The following BEST1 variants were observed in gnomAD, a reference collection of about 807,000 sequenced individuals.
BEST1 encodes the protein bestrophin-1.
In BEST1, 58 loss-of-function variants were observed where a neutral mutation model predicts 63.3. The ratio of observed to expected loss-of-function variants is 0.92; its 90% confidence interval spans 0.74 to 1.14. The LOEUF is 1.14. BEST1 is among the 50% of genes most tolerant of loss of function. The pLI is 0.00. For missense variants in BEST1, 671 were observed against 740.1 expected (o/e 0.91, Z 1.08); for synonymous variants, 283 against 291.6 (o/e 0.97, Z 0.30).
At chr11:61,959,692 C>A in intron 8 of BEST1, 114 bp downstream of exon 8, 1 of 1,327,526 alleles carries the variant, frequency 7.5e-7, no homozygotes, top group Non-Finnish European at 1.1e-6. Context: ...CCTTCCCCTC[C>A]TCCCTCCTGC....
intron 4 of BEST1, 114 bp from the exon 5 acceptor site, chr11:61,956,730 T>G: frequency 2.2e-6 from 3 of 1,343,648 alleles, no homozygotes; most frequent in Admixed American, 1.7e-5. Flanking sequence ...AATTTTTTTG[T>G]TGTTGAAAGA....
At chr11:61,963,850 T>C (rs1942325457) in intron 10 of BEST1, 1 of 1,240,588 alleles carries the variant, frequency 8.1e-7, no homozygotes, top group African/African-American at 1.5e-5. Flanking sequence ...CCAAAAAAAA[T>C]ACAAATCAGC....
intron 3 of BEST1, 82 bp from the exon 4 acceptor site, chr11:61,955,636 C>T: frequency 7.1e-7 from 1 of 1,415,800 alleles, no homozygotes; most frequent in African/African-American, 1.4e-5. Context: ...GCTGGAGGAG[C>T]CGAGGCATCG....
rs777225770 is a variant in BEST1 at position 61,955,143 on chromosome 11, G to A, written c.189G>A (p.Glu63=). The A allele has an allele frequency of 6.2e-7, 1 of 1,613,990 alleles. No homozygotes were observed. Among genetic ancestry groups the A allele is most frequent in the Non-Finnish European group, 8.5e-7 (1 of 1,179,812 alleles). Residue 63 remains glutamate (E), a synonymous_variant, in exon 3 of 11, where the codon GAG becomes GAA. Coordinates refer to ENST00000378043, the MANE Select transcript of BEST1 (RefSeq NM_004183.4). The part of the protein sequence containing the change: ...ALTEEQQLMF[E]KLTLYCDSYI... ...CGGAAGAACAACAGCTGATGTTTGA[G>A]AAACTGACTCTGTATTGCGACAGCT... is the stretch of plus-strand genomic sequence containing the variant.
chr11:61,959,555 T>C lies in BEST1; in HGVS notation c.925T>C (p.Trp309Arg). The change falls in exon 8 of 11, where the codon TGG becomes CGG. Residue 309 changes from tryptophan to arginine, a missense_variant. By Grantham distance (101) the Trp-to-Arg change is moderately radical (BLOSUM62 -3). Transcript: ENST00000378043. Reference protein sequence around the residue: ...GEDDDDFETNWIVDRNLQVSL... With the variant: ...GEDDDDFETNRIVDRNLQVSL... ...GGATGATGATGATTTTGAGACCAAC[T>C]GGATTGTCGACAGGAATTTGCAGGT... 6.2e-7 allele frequency: 1 copy of C among 1,614,194 alleles called. No homozygotes were observed. The highest frequency in any genetic ancestry group is 8.5e-7 in the Non-Finnish European group (1 of 1,180,044).
rs1591295744 is a variant in BEST1 at position 61,958,301 on chromosome 11, G to A, written c.867+3G>A. On this transcript the variant is annotated splice_donor_region_variant and intron_variant, in intron 7 of 10. Transcript: ENST00000378043. ...TCTTCTATGTTGGCTGGCTGAAGGT[G>A]GGCCTCTCCAGGGCCCTGCTGGGCT... 2 of 1,614,206 alleles carry A rather than the reference G, an allele frequency of 1.2e-6. No individual in the cohort carries two copies. The highest frequency in any genetic ancestry group is 2.2e-5 in the East Asian group (1 of 44,884).
At chr11:61,958,736 C>A in intron 7 of BEST1, 1 of 381,714 alleles carries the variant, frequency 2.6e-6, no homozygotes, top group Non-Finnish European at 5.0e-6. Flanking sequence ...AACAGATGTT[C>A]TGAATCACAC....
chr11:61,949,837 G>A (rs1940484321), upstream of BEST1: 1 of 152,308 alleles, frequency 6.6e-6, no homozygotes, highest in Non-Finnish European at 1.5e-5. Flanking sequence ...GGGCACTGAG[G>A]CTGAGAGAGG....
chr11:61,964,262 AATAG>A lies in BEST1; in HGVS notation c.*144_*147del. On this transcript the variant is annotated 3_prime_UTR_variant, in exon 11 of 11. Coordinates refer to ENST00000378043, the MANE Select transcript of BEST1 (RefSeq NM_004183.4). ...ACAGCCTGAATCAAATGGTTAGCTT[AATAG>A]ATAAAAATCCCAGACTACTTCAGCC... The A allele has an allele frequency of 1.3e-6, 2 of 1,493,044 alleles. No individual in the cohort carries two copies. Among genetic ancestry groups the A allele is most frequent in the Non-Finnish European group, 1.8e-6 (2 of 1,110,416 alleles). 92.5% of individuals were successfully genotyped at this position (1,493,044 alleles called of 1,614,324 possible). A position where few individuals can be genotyped will look rare whatever the true frequency, so the allele number is the denominator to read the frequency against.
Position 61,954,948 on chromosome 11 carries a change from T to C in BEST1, c.153-159T>C, listed in dbSNP as rs376851210. On this transcript the variant is annotated intron_variant, in intron 2 of 10. Transcript: ENST00000378043. ...GTTTGGGGCTGTACAAGGAGCATCA[T>C]GGACCTGGCTCAGGCCTCAGGAGGG... 6.8e-5 allele frequency: 67 copies of C among 985,364 alleles called. No individual in the cohort carries two copies. In the African/African-American group the frequency reaches 9.8e-4, roughly 14 times the overall value. 61.0% of individuals were successfully genotyped at this position (985,364 alleles called of 1,614,324 possible).
chr11:61,964,463 CTTTTT>C, downstream of BEST1: 1 of 614,934 alleles, frequency 1.6e-6, no homozygotes, highest in South Asian at 2.0e-5. Context: ...ATACTCGTTT[CTTTTT>C]GATTAGTGTG....
Position 61,964,398 on chromosome 11 carries a change from C to A in BEST1, c.*276C>A. On this transcript the variant is annotated 3_prime_UTR_variant, in exon 11 of 11. Coordinates refer to ENST00000378043, the MANE Select transcript of BEST1 (RefSeq NM_004183.4). ...CGGGAACCCTTAGTTCTATCTGAAT[C>A]CAAGACAGCCACACCTTAGTATACT... 1 of 645,872 alleles carries A rather than the reference C, an allele frequency of 1.5e-6. No homozygotes were observed. The highest frequency in any genetic ancestry group is 4.3e-4 in the Middle Eastern group (1 of 2,332). The allele number at this position is 645,872 out of a possible 1,614,324, so 40.0% of individuals were successfully genotyped here. A position where few individuals can be genotyped will look rare whatever the true frequency, so the allele number is the denominator to read the frequency against.
chr11:61,954,321 C>T (rs1048292907), intron 2 of BEST1, among the ~76,000 whole-genome samples: 1 of 152,048 alleles, frequency 6.6e-6, no homozygotes, highest in Non-Finnish European at 1.5e-5. Context: ...AAGTTCATAG[C>T]GTACAGCAGG....
downstream of BEST1, chr11:61,965,118 T>C (rs1398632462): frequency 4.4e-6 from 7 of 1,603,442 alleles, no homozygotes; most frequent in Non-Finnish European, 5.9e-6. Context: ...GGTTTCTGAA[T>C]GAGAATAGGT....
At chr11:61,961,876 T>C (rs548274866) in intron 9 of BEST1, 3 of 232,252 alleles carry the variant, frequency 1.3e-5, no homozygotes, top group East Asian at 1.9e-4. Flanking sequence ...ATTCCTGGCA[T>C]TGCCCAGAGT....
chr11:61,964,837 C>G (rs1167278194), downstream of BEST1: 2 of 1,601,582 alleles, frequency 1.2e-6, no homozygotes, highest in Admixed American at 3.3e-5. Context: ...TCACCCAATT[C>G]TTTGATGGCT....
rs752756768 is a variant in BEST1 at position 61,959,911 on chromosome 11, A to T, written c.968A>T (p.Asp323Val). ...GACCAGGTGTCCCTGTTGGCTGTGGATGAGATGCACCAGGACCTGCCTCGG... is the reference window on the plus strand; with the variant it reads ...GACCAGGTGTCCCTGTTGGCTGTGGTTGAGATGCACCAGGACCTGCCTCGG... ...RNLQVSLLAV[D>V]EMHQDLPRME... The change falls in exon 9 of 11, where the codon GAT (aspartate) becomes GTT (valine). Residue 323 changes from aspartate to valine, a missense_variant. By Grantham distance (152) the Asp-to-Val change is radical. Coordinates refer to ENST00000378043, the MANE Select transcript of BEST1 (RefSeq NM_004183.4). 6.2e-7 allele frequency: 1 copy of T among 1,613,744 alleles called. No homozygotes were observed. Among genetic ancestry groups the T allele is most frequent in the Non-Finnish European group, 8.5e-7 (1 of 1,179,880 alleles).
intron 10 of BEST1, 75 bp from the exon 11 acceptor site, chr11:61,964,029 C>T: frequency 6.2e-7 from 1 of 1,606,900 alleles, no homozygotes; most frequent in Non-Finnish European, 8.5e-7. Flanking sequence ...CCTTTGCCCT[C>T]CTACTGCAAC....
upstream of BEST1, chr11:61,950,198 C>T (rs954067400): frequency 2.0e-5 from 3 of 152,618 alleles, no homozygotes; most frequent in Non-Finnish European, 4.4e-5. Context: ...GGGCCATGGC[C>T]AGGCTGTGCT....
Sources: allele counts gnomAD v4.1 joint callset (sites outside exome capture counted in the v4.1 genomes callset), GRCh38; gene constraint gnomAD v4.1.1; transcripts MANE v1.5; gene names NCBI Gene and HGNC (gene_info 2026-07-23, HGNC 2026-07-21).